Variants in PARP1 observed in about 807,000 individuals in gnomAD.
PARP1 encodes poly(ADP-ribose) polymerase 1.
PARP1 carries 44 observed loss-of-function variants against 118.7 expected under a neutral mutation model. The ratio of observed to expected loss-of-function variants is 0.37; its 90% CI spans 0.29 to 0.48. PARP1 has a LOEUF of 0.48. Ranked by LOEUF, PARP1 falls within the 20% of genes least tolerant of loss-of-function variation. The pLI, the probability that PARP1 is intolerant of heterozygous loss-of-function variation, is 0.99. For missense variants in PARP1, 1,100 were observed against 1,272.4 expected, an observed-to-expected ratio of 0.86 and a Z score of 2.06; for synonymous variants, 492 against 483.2, an observed-to-expected ratio of 1.02 and a Z score of -0.24.
At chr1:226,392,924 T>C in intron 2 of PARP1, 1 of 1,567,762 alleles carries the variant, frequency 6.4e-7, no homozygotes, top group Non-Finnish European at 8.6e-7. Context: ...TGCCTAAGAT[T>C]AGGAATAAGA....
intron 2 of PARP1, among the ~76,000 whole-genome samples, chr1:226,400,784 G>A (rs1356400394): frequency 2.0e-5 from 3 of 152,214 alleles, no homozygotes; most frequent in Non-Finnish European, 4.4e-5. Flanking sequence ...CCTCCAGCGA[G>A]CTAAAACCAA....
At chr1:226,367,141 A>G (rs1664286686) in intron 17 of PARP1, 1 of 365,772 alleles carries the variant, frequency 2.7e-6, no homozygotes, top group Admixed American at 3.9e-5. Context: ...TTAGAAAAAC[A>G]GAGCTCCTCT....
At chr1:226,405,773 C>A (rs990385748) in intron 1 of PARP1, among the ~76,000 whole-genome samples, 1 of 152,136 alleles carries the variant, frequency 6.6e-6, no homozygotes, top group Non-Finnish European at 1.5e-5. Context: ...CCTGTTAAGG[C>A]GCCTGGATGT....
rs148631906 is a variant in PARP1, at chr1:226,365,131, G to C, written c.2529C>G (p.Gly843=). 6.2e-7 allele frequency: 1 copy of C among 1,614,174 alleles called. No homozygotes were observed. Among genetic ancestry groups the C allele is most frequent in the South Asian group, 1.1e-5 (1 of 91,086 alleles). ...VIDIFKIERE[G]ECQRYKPFKQ... Reference sequence around the variant, plus strand: ...TAAAGGGCTTGTAACGCTGGCATTCGCCTTCACGCTCTATCTTAAAGATCT... The same window carrying C: ...TAAAGGGCTTGTAACGCTGGCATTCCCCTTCACGCTCTATCTTAAAGATCT... The change falls in exon 19 of 23, where the codon GGC becomes GGG. Residue 843 remains glycine, a synonymous_variant. Coordinates refer to ENST00000366794, the MANE Select transcript of PARP1 (RefSeq NM_001618.4).
chr1:226,385,781 A>G (rs758333112), intron 6 of PARP1, 101 bp from the exon 7 acceptor site: 1 of 1,082,430 alleles, frequency 9.2e-7, no homozygotes. Flanking sequence ...TCCACTCACT[A>G]CAAAGAAGAG....
In PARP1 at chr1:226,367,545, C is replaced by T; in HGVS notation, c.2341G>A (p.Gly781Arg). The part of the protein sequence containing the change: ...IEVAYSLLRG[G>R]SDDSSKDPID... ...GGATCCTTGCTGCTATCATCAGACC[C>T]TCCCCTGAGCAGACTGTAGGCCACC... The change falls in exon 17 of 23, where the codon GGG becomes AGG. Residue 781 changes from glycine (G) to arginine (R), a missense_variant. Physicochemically the swap from Gly to Arg is moderately radical, Grantham distance 125. Around this residue, in one of 2 missense-constraint regions of PARP1, gnomAD observed 948 missense variants for 1,031.8 expected, o/e 0.92. Coordinates refer to ENST00000366794, the MANE Select transcript of PARP1 (RefSeq NM_001618.4). The T allele has an allele frequency of 6.2e-7, 1 of 1,614,142 alleles. No homozygotes were observed.
intron 12 of PARP1, 55 bp from the exon 13 acceptor site, chr1:226,377,358 C>T (rs2102733903): frequency 7.4e-7 from 1 of 1,358,720 alleles, no homozygotes; most frequent in Non-Finnish European, 1.1e-6. Flanking sequence ...TGTCCCATTT[C>T]AGGAGCTCCC....
At chr1:226,388,988 C>T (rs1040773412) in intron 4 of PARP1, among the ~76,000 whole-genome samples, 6 of 151,984 alleles carry the variant, frequency 3.9e-5, no homozygotes, top group Admixed American at 3.3e-4. Flanking sequence ...AACATACTCT[C>T]CCAGCCAGGG....
At chr1:226,396,916 T>G (rs576554008) in intron 2 of PARP1, among the ~76,000 whole-genome samples, 16 of 152,050 alleles carry the variant, frequency 1.1e-4, no homozygotes, top group Admixed American at 1.0e-3. Flanking sequence ...ATATTTAAAT[T>G]ATAACTAGAT....
Position 226,365,111 on chromosome 1 carries a change from G to A in PARP1, c.2549C>T (p.Pro850Leu). ...EREGECQRYK[P>L]FKQLHNRRLL... Reference sequence around the variant, plus strand: ...TCTTCGGTTATGAAGCTGCTTAAAGGGCTTGTAACGCTGGCATTCGCCTTC... The same window carrying A: ...TCTTCGGTTATGAAGCTGCTTAAAGAGCTTGTAACGCTGGCATTCGCCTTC... Residue 850 changes from proline to leucine, a missense_variant, in exon 19 of 23, where the codon CCC becomes CTC. Pro to Leu is a moderately conservative substitution (Grantham distance 98). Around this residue, in one of 2 missense-constraint regions of PARP1, gnomAD observed 152 missense variants for 240.6 expected, o/e 0.63. Coordinates refer to ENST00000366794, the MANE Select transcript of PARP1 (RefSeq NM_001618.4). 4 of 1,614,198 alleles carry A rather than the reference G, an allele frequency of 2.5e-6. No individual in the cohort carries two copies. The highest frequency in any genetic ancestry group is 3.4e-6 in the Non-Finnish European group (4 of 1,180,042).
intron 2 of PARP1, chr1:226,401,949 C>T (rs1443418741): frequency 2.1e-6 from 3 of 1,434,158 alleles, no homozygotes; most frequent in Non-Finnish European, 2.7e-6. Context: ...TTACTTTTGC[C>T]ATGAACAAAA....
intron 18 of PARP1, among the ~76,000 whole-genome samples, 176 bp downstream of exon 18, chr1:226,365,772 AAAAAAC>A (rs796697194): frequency 0.019 from 918 of 47,226 alleles, 17 homozygotes; most frequent in African/African-American, 0.084. Flanking sequence ...ATGTCAAAAA[AAAAAAC>A]AAAAAACAAA....
At chr1:226,394,702 G>A (rs754022803) in intron 2 of PARP1, among the ~76,000 whole-genome samples, 39 of 152,104 alleles carry the variant, frequency 2.6e-4, no homozygotes, top group Admixed American at 5.9e-4. Flanking sequence ...AAGCCCAGGA[G>A]GCCAAGGCTG....
At chr1:226,380,400 C>T (rs1246050321) in intron 9 of PARP1, among the ~76,000 whole-genome samples, 2 of 152,180 alleles carry the variant, frequency 1.3e-5, no homozygotes, top group African/African-American at 2.4e-5. Context: ...TGTTAACAAA[C>T]ACTCCAAAGA....
intron 12 of PARP1, among the ~76,000 whole-genome samples, chr1:226,378,212 A>G (rs547166735): frequency 3.9e-5 from 6 of 152,282 alleles, no homozygotes; most frequent in African/African-American, 1.4e-4. Flanking sequence ...AGAATTTAGT[A>G]AGAGTTCCTT....
At position 226,379,956 on chromosome 1, in the gene PARP1, G is replaced by A. The variant is rs1321726925; in HGVS notation, c.1509C>T (p.Leu503=). ...VAPRGKSGAA[L]SKKSKGQVKE... ...TGACCTGGCCCTTGCTTTTTTTGGA[G>A]AGCGCAGCCCCTGACTTCCCTCTTG... The change falls in exon 10 of 23, where the codon CTC becomes CTT. Residue 503 remains leucine (L), a synonymous_variant. Coordinates refer to ENST00000366794, the MANE Select transcript of PARP1 (RefSeq NM_001618.4). 1.2e-6 allele frequency: 2 copies of A among 1,613,970 alleles called. No homozygotes were observed. The highest frequency in any genetic ancestry group is 1.3e-5 in the African/African-American group (1 of 74,924).
intron 12 of PARP1, among the ~76,000 whole-genome samples, chr1:226,377,669 C>T (rs3219086): frequency 7.9e-5 from 12 of 152,132 alleles, no homozygotes; most frequent in Admixed American, 7.9e-4. Context: ...TCAACCCTTA[C>T]AGCTGTACCC....
At chr1:226,370,626 G>T (rs1403629189) in intron 14 of PARP1, 109 bp from the exon 15 acceptor site, 4 of 859,014 alleles carry the variant, frequency 4.7e-6, no homozygotes, top group Non-Finnish European at 5.9e-6. Flanking sequence ...GCAGTCAGGA[G>T]CCTGCTGGGA....
At chr1:226,389,078 A>G (rs1227875887) in intron 4 of PARP1, among the ~76,000 whole-genome samples, 1 of 152,100 alleles carries the variant, frequency 6.6e-6, no homozygotes, top group African/African-American at 2.4e-5. Flanking sequence ...GAGGTTAAAA[A>G]AAAAAAAGAA....
Sources: gnomAD v4.1 joint callset for allele counts (sites outside exome capture counted in the v4.1 genomes callset) on GRCh38, gnomAD v4.1.1 for gene constraint, gnomAD v4.1.1 regional missense constraint, MANE v1.5 for transcripts, NCBI Gene and HGNC (gene_info 2026-07-23, HGNC 2026-07-21) for gene names.